The following ENTREP2 variants were observed in gnomAD, a reference collection of about 807,000 sequenced individuals.
The protein encoded by ENTREP2 is endosomal transmembrane epsin interactor 2.
chr15:29,338,115 C>CA, the ENTREP2 span, among the ~76,000 whole-genome samples: 9 of 152,052 alleles, frequency 5.9e-5, no homozygotes, highest in Non-Finnish European at 1.2e-4. Context: ...CAGGAGACTG[C>CA]AGAGCTATGT....
the ENTREP2 span, chr15:29,195,085 G>T: frequency 2.0e-6 from 2 of 977,134 alleles, no homozygotes; most frequent in South Asian, 4.7e-5. Flanking sequence ...GAATGTGGGC[G>T]TAGGTAATGT....
At chr15:29,190,520 A>G in the ENTREP2 span, among the ~76,000 whole-genome samples, 5 of 152,150 alleles carry the variant, frequency 3.3e-5, no homozygotes, top group African/African-American at 9.7e-5. Context: ...CTCCTCGGCC[A>G]TGAAGAAAGT....
the ENTREP2 span, among the ~76,000 whole-genome samples, chr15:29,408,460 G>A: frequency 1.8e-4 from 27 of 152,246 alleles, 1 homozygote; most frequent in Middle Eastern, 3.4e-3. Flanking sequence ...GTTCCTGATG[G>A]GGATATACAG....
At chr15:29,400,751 A>G in the ENTREP2 span, among the ~76,000 whole-genome samples, 3 of 152,368 alleles carry the variant, frequency 2.0e-5, no homozygotes, top group Middle Eastern at 0.01. Context: ...ATGGCTAAAA[A>G]AACCCACATT....
At chr15:29,557,340 T>C in the ENTREP2 span, among the ~76,000 whole-genome samples, 1 of 152,134 alleles carries the variant, frequency 6.6e-6, no homozygotes. Context: ...TTTAGTGTCT[T>C]CTCTCTGACA....
At chr15:29,207,393 C>T in the ENTREP2 span, among the ~76,000 whole-genome samples, 1 of 132,384 alleles carries the variant, frequency 7.6e-6, no homozygotes, top group African/African-American at 2.9e-5. Flanking sequence ...AAGTTTATTA[C>T]GAAGAGCAAG....
chr15:29,429,445 T>A, the ENTREP2 span, among the ~76,000 whole-genome samples: 1 of 152,298 alleles, frequency 6.6e-6, no homozygotes. Flanking sequence ...GGTCTAGAAA[T>A]TCTGGCCTCA....
chr15:29,671,324 C>G, the ENTREP2 span, among the ~76,000 whole-genome samples: 1 of 152,178 alleles, frequency 6.6e-6, no homozygotes. Flanking sequence ...GCTGTTCTAG[C>G]CAATTATTGA....
chr15:29,653,617 G>T, the ENTREP2 span, among the ~76,000 whole-genome samples: 2 of 152,204 alleles, frequency 1.3e-5, no homozygotes, highest in South Asian at 4.1e-4. Context: ...ACTTTGTGAA[G>T]AAGGTGCCTT....
At chr15:29,651,312 T>TC in the ENTREP2 span, among the ~76,000 whole-genome samples, 1 of 152,308 alleles carries the variant, frequency 6.6e-6, no homozygotes, top group East Asian at 1.9e-4. Flanking sequence ...ACCTCTACAC[T>TC]CCTTCAACCT....
chr15:29,128,178 C>T, the ENTREP2 span, among the ~76,000 whole-genome samples: 95,563 of 152,112 alleles, frequency 0.63, 33,289 homozygotes, highest in Middle Eastern at 0.84. Context: ...GGCCTCAAGA[C>T]GGTGGCTCTC....
At chr15:29,152,059 A>T in the ENTREP2 span, among the ~76,000 whole-genome samples, 2 of 152,240 alleles carry the variant, frequency 1.3e-5, no homozygotes, top group Middle Eastern at 3.2e-3. Flanking sequence ...AGTATTCATA[A>T]TACTCAACAA....
the ENTREP2 span, among the ~76,000 whole-genome samples, chr15:29,501,278 A>C: frequency 6.6e-6 from 1 of 152,050 alleles, no homozygotes; most frequent in East Asian, 1.9e-4. Context: ...CATTCTCAAC[A>C]AAACATTAGC....
At chr15:29,303,465 T>C in the ENTREP2 span, among the ~76,000 whole-genome samples, 1 of 152,084 alleles carries the variant, frequency 6.6e-6, no homozygotes, top group African/African-American at 2.4e-5. Flanking sequence ...TTTTTCAGCC[T>C]TTTATTTTTT....
At chr15:29,556,021 A>T in the ENTREP2 span, among the ~76,000 whole-genome samples, 1 of 152,338 alleles carries the variant, frequency 6.6e-6, no homozygotes, top group South Asian at 2.1e-4. Flanking sequence ...TGAAAGGCCA[A>T]GGCAGGTGGG....
the ENTREP2 span, among the ~76,000 whole-genome samples, chr15:29,460,946 C>A: frequency 6.6e-6 from 1 of 152,130 alleles, no homozygotes; most frequent in Admixed American, 6.6e-5. Flanking sequence ...ATCTTCTGAC[C>A]TGTTTTTAGT....
chr15:29,660,315 A>T, the ENTREP2 span, among the ~76,000 whole-genome samples: 3 of 152,094 alleles, frequency 2.0e-5, no homozygotes, highest in Admixed American at 6.5e-5. Flanking sequence ...TCCTTTTTCT[A>T]ACTGAAATTA....
At chr15:29,416,671 T>G in the ENTREP2 span, among the ~76,000 whole-genome samples, 2 of 152,000 alleles carry the variant, frequency 1.3e-5, no homozygotes, top group Non-Finnish European at 2.9e-5. Flanking sequence ...CTAAAGAGCT[T>G]CTGCACGGCA....
the ENTREP2 span, chr15:29,376,594 C>T: frequency 1.3e-5 from 2 of 151,430 alleles, no homozygotes; most frequent in Non-Finnish European, 1.5e-5. Flanking sequence ...ACAGCATTTC[C>T]CTTCTTCCCC....
Sources: allele counts gnomAD v4.1 joint callset (sites outside exome capture counted in the v4.1 genomes callset), GRCh38; gene constraint gnomAD v4.1.1; transcripts MANE v1.5; gene names NCBI Gene and HGNC (gene_info 2026-07-23, HGNC 2026-07-21).